USH2A: variants seen among roughly 807,000 people sequenced by gnomAD.
USH2A encodes the protein usherin.
A neutral mutation model predicts 538.9 loss-of-function variants in USH2A; 443 were observed. That is an observed-to-expected ratio of 0.82 (90% confidence interval 0.76 to 0.89). The LOEUF (loss-of-function observed/expected upper bound fraction) is 0.89, where lower values mean the gene tolerates loss of function less well. USH2A is among the 40% of genes least tolerant of loss of function. The pLI, the probability that USH2A is intolerant of heterozygous loss-of-function variation, is 0.00. For synonymous variants in USH2A, 2,413 were observed against 2,273.5 expected (o/e 1.06, Z -1.75); for missense variants, 6,633 against 6,324.8 (o/e 1.05, Z -1.65).
chr1:216,334,976 C>G lies in USH2A; in HGVS notation c.785-7322G>C, dbSNP rs372393751. ...ACTTAATAGACACCAACAGAACACTCCACCCAACAACAACAGAATACAAAC... is the reference window on the plus strand; with the variant it reads ...ACTTAATAGACACCAACAGAACACTGCACCCAACAACAACAGAATACAAAC... On this transcript the variant is annotated intron_variant, in intron 4 of 71. Transcript: ENST00000307340. 1.3e-3 allele frequency among the ~76,000 whole-genome samples: 205 copies of G among 151,870 alleles called. 1 individual carries two copies. Among genetic ancestry groups the G allele is most frequent in the African/African-American group, 4.6e-3 (193 of 41,522 alleles).
At chr1:216,231,876 T>A in intron 14 of USH2A, 77 bp downstream of exon 14, 1 of 1,575,500 alleles carries the variant, frequency 6.3e-7, no homozygotes, top group Non-Finnish European at 8.7e-7. Context: ...TTACAGAAGT[T>A]ATTGCTTTGC....
intron 47 of USH2A, among the ~76,000 whole-genome samples, chr1:215,824,834 C>G (rs978312759): frequency 1.3e-5 from 2 of 152,072 alleles, no homozygotes; most frequent in Admixed American, 1.3e-4. Context: ...TTTCCACAAG[C>G]GTGGTGCTGA....
intron 21 of USH2A, among the ~76,000 whole-genome samples, chr1:216,123,374 T>G (rs2033174661): frequency 6.6e-6 from 1 of 152,248 alleles, no homozygotes; most frequent in African/African-American, 2.4e-5. Flanking sequence ...ATGCATTTGC[T>G]GGTCATGTTC....
chr1:216,003,847 G>A (rs927483617), intron 32 of USH2A, among the ~76,000 whole-genome samples: 6 of 152,270 alleles, frequency 3.9e-5, no homozygotes, highest in African/African-American at 7.2e-5. Context: ...GCTGCCAGAC[G>A]TATAGATGGT....
chr1:215,852,585 C>T (rs1664046541), intron 44 of USH2A, among the ~76,000 whole-genome samples: 1 of 152,152 alleles, frequency 6.6e-6, no homozygotes, highest in Non-Finnish European at 1.5e-5. Flanking sequence ...AGACCAAAGT[C>T]TCATCTGAGA....
intron 21 of USH2A, among the ~76,000 whole-genome samples, chr1:216,165,879 T>C (rs1344877715): frequency 1.3e-4 from 19 of 151,342 alleles, no homozygotes; most frequent in Admixed American, 1.3e-3. Context: ...TTCTTTAGTG[T>C]TGATTTCTGA....
At chr1:215,928,595 A>T (rs1256018318) in intron 38 of USH2A, among the ~76,000 whole-genome samples, 1 of 152,118 alleles carries the variant, frequency 6.6e-6, no homozygotes, top group Non-Finnish European at 1.5e-5. Flanking sequence ...TGACTTGGGC[A>T]AGAAATTTGC....
intron 47 of USH2A, among the ~76,000 whole-genome samples, chr1:215,837,685 A>G (rs1663570733): frequency 6.6e-6 from 1 of 152,192 alleles, no homozygotes. Context: ...TTAAGCTTGT[A>G]TTATGCTCCG....
intron 59 of USH2A, 58 bp from the exon 60 acceptor site, chr1:215,741,595 T>C (rs1660307304): frequency 6.3e-6 from 10 of 1,581,148 alleles, no homozygotes; most frequent in Middle Eastern, 1.7e-4. Context: ...AAGAACTACA[T>C]ATTCATACAG....
intron 11 of USH2A, among the ~76,000 whole-genome samples, chr1:216,268,956 T>G (rs531670437): frequency 1.3e-5 from 2 of 152,168 alleles, no homozygotes; most frequent in Non-Finnish European, 2.9e-5. Context: ...AACTTACTTA[T>G]TTTTATATTT....
intron 2 of USH2A, among the ~76,000 whole-genome samples, chr1:216,419,783 C>T (rs1284068254): frequency 6.6e-6 from 1 of 152,046 alleles, no homozygotes; most frequent in Non-Finnish European, 1.5e-5. Flanking sequence ...AGAATTACTG[C>T]TAAAGATGGT....
At chr1:216,190,485 C>A in intron 19 of USH2A, 118 bp from the exon 20 acceptor site, 2 of 1,312,536 alleles carry the variant, frequency 1.5e-6, no homozygotes, top group Non-Finnish European at 2.1e-6. Flanking sequence ...TGCCAACCAC[C>A]ATTAGGAAAA....
chr1:216,401,948 T>G (rs1456609585), intron 3 of USH2A, among the ~76,000 whole-genome samples: 2 of 152,116 alleles, frequency 1.3e-5, no homozygotes, highest in Non-Finnish European at 2.9e-5. Flanking sequence ...AAAGTAGATG[T>G]ACTTAGTTCT....
chr1:215,904,496 C>G (rs1571799170), intron 38 of USH2A, among the ~76,000 whole-genome samples: 1 of 152,026 alleles, frequency 6.6e-6, no homozygotes, highest in Non-Finnish European at 1.5e-5. Context: ...TTCCTTTCCC[C>G]TCTGTTTAAC....
At chr1:216,160,818 T>C (rs1272627459) in intron 21 of USH2A, among the ~76,000 whole-genome samples, 1 of 152,156 alleles carries the variant, frequency 6.6e-6, no homozygotes, top group Non-Finnish European at 1.5e-5. Context: ...TGTGTACTTT[T>C]CCTGTCAAAA....
At chr1:216,108,932 G>A (rs2032800769) in intron 21 of USH2A, among the ~76,000 whole-genome samples, 1 of 151,730 alleles carries the variant, frequency 6.6e-6, no homozygotes, top group Admixed American at 6.6e-5. Context: ...ACAGTAATTT[G>A]GCAATCTGTG....
chr1:216,111,965 C>T (rs1370658119), intron 21 of USH2A, among the ~76,000 whole-genome samples: 1 of 151,696 alleles, frequency 6.6e-6, no homozygotes, highest in East Asian at 1.9e-4. Context: ...GTAACTCTGG[C>T]TATATAGTTT....
intron 21 of USH2A, among the ~76,000 whole-genome samples, chr1:216,164,001 T>G (rs1172739719): frequency 1.3e-5 from 2 of 152,132 alleles, no homozygotes; most frequent in Non-Finnish European, 2.9e-5. Flanking sequence ...GAGGATTTTT[T>G]GATATGCTTC....
At chr1:215,881,809 T>G (rs1440696766) in intron 41 of USH2A, among the ~76,000 whole-genome samples, 1 of 150,310 alleles carries the variant, frequency 6.7e-6, no homozygotes, top group African/African-American at 2.5e-5. Flanking sequence ...TGGTTCTTAA[T>G]GATTCAGGTT....
Sources: gnomAD v4.1 joint callset for allele counts (sites outside exome capture counted in the v4.1 genomes callset) on GRCh38, gnomAD v4.1.1 for gene constraint, MANE v1.5 for transcripts, NCBI Gene and HGNC (gene_info 2026-07-23, HGNC 2026-07-21) for gene names.